Variants in SMURF2 observed in about 807,000 individuals in gnomAD.
SMURF2 encodes the protein E3 ubiquitin-protein ligase SMURF2.
A neutral mutation model predicts 109.6 loss-of-function variants in SMURF2; 48 were observed. The ratio of observed to expected loss-of-function variants is 0.44; its 90% CI spans 0.35 to 0.56. The LOEUF is 0.56. Ranked by LOEUF, SMURF2 falls within the 20% of genes least tolerant of loss-of-function variation. The pLI is 0.01. For missense variants in SMURF2, 575 were observed against 909.0 expected, an observed-to-expected ratio of 0.63 and a Z score of 4.72; for synonymous variants, 288 against 317.1, an observed-to-expected ratio of 0.91 and a Z score of 0.97.
rs1968891699 is a variant in SMURF2, at chr17:64,542,721, C to G, written c.*3127G>C. ...CAATCAGTCCAATGCACTGGAAATT[C>G]AAAGCCCAGATTTAGTGTTGTAAAG... is the stretch of plus-strand genomic sequence containing the variant. On this transcript the variant is annotated 3_prime_UTR_variant, in exon 19 of 19. Coordinates refer to ENST00000262435, the MANE Select transcript of SMURF2 (RefSeq NM_022739.4). The G allele has an allele frequency of 6.6e-6, 1 of 152,058 alleles. No homozygotes were observed. The highest frequency in any genetic ancestry group is 6.6e-5 in the Admixed American group (1 of 15,266). The allele number at this position is 152,058 out of a possible 1,614,324, so 9.4% of individuals were successfully genotyped here. A position where few individuals can be genotyped will look rare whatever the true frequency, so the allele number is the denominator to read the frequency against.
chr17:64,613,654 G>A (rs915111094), intron 1 of SMURF2, among the ~76,000 whole-genome samples: 40 of 134,838 alleles, frequency 3.0e-4, no homozygotes, highest in African/African-American at 1.1e-3. Context: ...CTTCATGGAA[G>A]ACAAGTTTTC....
In SMURF2 at chr17:64,621,952, CAAT is replaced by C. The variant is rs782162183; in HGVS notation, c.53-15315_53-15313del. ...AAAGCACTGTAGTGAGCCATCATCG[CAAT>C]AATAATAATAATAATAATAATAATA... On this transcript the variant is annotated intron_variant, in intron 1 of 18. Coordinates refer to ENST00000262435, the MANE Select transcript of SMURF2 (RefSeq NM_022739.4). Among the ~76,000 whole-genome samples the C allele has an allele frequency of 4.9e-3, 634 of 130,454 alleles. 5 individuals carry two copies. Among genetic ancestry groups the C allele is most frequent in the Middle Eastern group, 7.7e-3 (2 of 260 alleles). 85.6% of individuals were successfully genotyped at this position (130,454 alleles called of 152,430 possible). A position where few individuals can be genotyped will look rare whatever the true frequency, so the allele number is the denominator to read the frequency against.
chr17:64,573,263 G>T (rs1598277404), intron 9 of SMURF2, among the ~76,000 whole-genome samples: 1 of 72,844 alleles, frequency 1.4e-5, no homozygotes, highest in Non-Finnish European at 2.7e-5. Flanking sequence ...GGAGGAGGAG[G>T]AGGAGGAGGA....
At chr17:64,657,130 A>G (rs1970715584) in intron 1 of SMURF2, among the ~76,000 whole-genome samples, 1 of 152,216 alleles carries the variant, frequency 6.6e-6, no homozygotes, top group Non-Finnish European at 1.5e-5. Flanking sequence ...CATGGCACTT[A>G]AAGCATAGGA....
chr17:64,642,087 G>A (rs541692405), intron 1 of SMURF2, among the ~76,000 whole-genome samples: 12 of 152,312 alleles, frequency 7.9e-5, no homozygotes, highest in African/African-American at 2.2e-4. Context: ...GATTACAGGC[G>A]TGAGCCATCA....
intron 1 of SMURF2, among the ~76,000 whole-genome samples, chr17:64,643,055 C>T (rs957066424): frequency 6.6e-6 from 1 of 152,088 alleles, no homozygotes; most frequent in African/African-American, 2.4e-5. Flanking sequence ...GATAGGTTCT[C>T]GCTCTATCAC....
chr17:64,546,039 G>A (rs1256727014), intron 18 of SMURF2, 92 bp from the exon 19 acceptor site: 24 of 927,120 alleles, frequency 2.6e-5, no homozygotes, highest in Non-Finnish European at 4.1e-5. Context: ...ATCACTCTGT[G>A]TCACACAGAA....
chr17:64,649,025 A>C (rs1198662404), intron 1 of SMURF2, among the ~76,000 whole-genome samples: 2 of 152,196 alleles, frequency 1.3e-5, no homozygotes, highest in African/African-American at 4.8e-5. Context: ...GGAGGAAGAA[A>C]GTTACATGTA....
chr17:64,622,874 T>C (rs1970223283), intron 1 of SMURF2, among the ~76,000 whole-genome samples: 1 of 152,218 alleles, frequency 6.6e-6, no homozygotes, highest in Admixed American at 6.5e-5. Context: ...TCTACATAAA[T>C]TGTTTGGAAT....
In SMURF2 at chr17:64,555,898, T is replaced by C; in HGVS notation, c.1532A>G (p.Gln511Arg). The change falls in exon 14 of 19, where the codon CAA (glutamine) becomes CGA (arginine). Residue 511 changes from glutamine (Q) to arginine (R), a missense_variant. Around this residue, in one of 5 missense-constraint regions of SMURF2, gnomAD observed 361 missense variants for 612.1 expected, o/e 0.59. Coordinates refer to ENST00000262435, the MANE Select transcript of SMURF2 (RefSeq NM_022739.4). ...CAAGGTAATTGACTTCCCAAGCAAT[T>C]GCTTATAAAAAGGCAATGTGAAACC... ...DGGFTLPFYK[Q>R]LLGKSITLDD... 1 of 1,613,696 alleles carries C rather than the reference T, an allele frequency of 6.2e-7. No individual in the cohort carries two copies. Among genetic ancestry groups the C allele is most frequent in the Non-Finnish European group, 8.5e-7 (1 of 1,179,692 alleles).
In SMURF2 at chr17:64,581,782, T is replaced by C. The variant is rs984487624; in HGVS notation, c.570-791A>G. 6.6e-6 allele frequency among the ~76,000 whole-genome samples: 1 copy of C among 151,846 alleles called. No homozygotes were observed. The highest frequency in any genetic ancestry group is 1.5e-5 in the Non-Finnish European group (1 of 67,958). ...CAACACAGCGAAACCCCATCTCTACTAAAAATACAAAAATTAGCCGGGTGT... is the reference window on the plus strand; with the variant it reads ...CAACACAGCGAAACCCCATCTCTACCAAAAATACAAAAATTAGCCGGGTGT... On this transcript the variant is annotated intron_variant, in intron 7 of 18. Transcript: ENST00000262435. This position sits in a 1 kb window ranked among gnomAD's most constrained non-coding sequence, Gnocchi z 4.3.
intron 1 of SMURF2, among the ~76,000 whole-genome samples, chr17:64,633,593 G>A (rs565106677): frequency 3.9e-4 from 59 of 152,186 alleles, no homozygotes; most frequent in African/African-American, 1.4e-3. Flanking sequence ...TTAAATTCCA[G>A]GATTCAACTA....
At chr17:64,621,704 T>C (rs983678691) in intron 1 of SMURF2, among the ~76,000 whole-genome samples, 32 of 150,968 alleles carry the variant, frequency 2.1e-4, no homozygotes, top group Admixed American at 1.3e-3. Flanking sequence ...TGAAACCCCA[T>C]CTCTACTAAA....
At position 64,580,848 on chromosome 17, in the gene SMURF2, T is replaced by A. The variant is rs1555686496; in HGVS notation, c.713A>T (p.His238Leu). Residue 238 changes from histidine to leucine, a missense_variant, in exon 8 of 19, where the codon CAT becomes CTT. Transcript: ENST00000262435. ...LAERRVRSQR[H>L]RNYMSRTHLH... is the part of the protein sequence containing the mutation. ...ATGTGTTCTGCTCATGTAATTTCTA[T>A]GTCGTTGTGACCTGACTCTCCTCTC... is the stretch of plus-strand genomic sequence containing the variant. 1.2e-6 allele frequency: 2 copies of A among 1,614,202 alleles called. No homozygotes were observed. Among genetic ancestry groups the A allele is most frequent in the Non-Finnish European group, 1.7e-6 (2 of 1,180,026 alleles).
chr17:64,555,805 A>T lies in SMURF2; in HGVS notation c.1610+15T>A, dbSNP rs782569009. The T allele has an allele frequency of 6.5e-7, 1 of 1,539,494 alleles. No individual in the cohort carries two copies. The highest frequency in any genetic ancestry group is 1.9e-5 in the Admixed American group (1 of 52,758). ...TCAGAGTTTATAATGAAGAGATAGA[A>T]GACTCAATACATACAGTATCCACAC... On this transcript the variant is annotated intron_variant, in intron 14 of 18. Transcript: ENST00000262435.
At chr17:64,598,587 T>C in intron 2 of SMURF2, 97 bp from the exon 3 acceptor site, 1 of 1,041,404 alleles carries the variant, frequency 9.6e-7, no homozygotes, top group Non-Finnish European at 1.3e-6. Context: ...TATTCCATTC[T>C]TTTAAAAAAG....
At chr17:64,578,626 C>T (rs1969533220) in intron 8 of SMURF2, 50 bp from the exon 9 acceptor site, 1 of 1,259,160 alleles carries the variant, frequency 7.9e-7, no homozygotes, top group African/African-American at 1.5e-5. Context: ...GTGTCCAGAT[C>T]AAAGACAGTT....
intron 1 of SMURF2, among the ~76,000 whole-genome samples, chr17:64,652,955 T>C (rs1307631827): frequency 6.6e-6 from 1 of 152,088 alleles, no homozygotes; most frequent in Non-Finnish European, 1.5e-5. Context: ...GTTAAAATTA[T>C]AAATAATGCA....
At chr17:64,640,145 CAA>C (rs1260032471) in intron 1 of SMURF2, among the ~76,000 whole-genome samples, 8 of 151,854 alleles carry the variant, frequency 5.3e-5, no homozygotes, top group Non-Finnish European at 1.0e-4. Context: ...ATTCTAAAAT[CAA>C]AAGTTTATTT....
Sources: gnomAD v4.1 joint callset for allele counts (sites outside exome capture counted in the v4.1 genomes callset) on GRCh38, gnomAD v4.1.1 for gene constraint, gnomAD v4.1.1 regional missense constraint, Gnocchi (gnomAD v3.1) non-coding constraint, MANE v1.5 for transcripts, NCBI Gene and HGNC (gene_info 2026-07-23, HGNC 2026-07-21) for gene names.